The following ZNF420 variants were observed in gnomAD, a reference collection of about 807,000 sequenced individuals.
ZNF420 encodes the protein ATM and p53-associated KZNF protein.
ZNF420 carries 31 observed loss-of-function variants against 44.7 expected under a neutral mutation model. The observed-to-expected ratio is 0.69, with a 90% confidence interval of 0.52 to 0.94. ZNF420 has a LOEUF of 0.94. ZNF420 is among the 40% of genes least tolerant of loss of function. The probability of loss-of-function intolerance (pLI) is 0.00; values close to 1 mark genes in which losing one functional copy is unlikely to be tolerated. For synonymous variants in ZNF420, 245 were observed against 267.4 expected, an observed-to-expected ratio of 0.92 and a Z score of 0.82; for missense variants, 681 against 827.9, an observed-to-expected ratio of 0.82 and a Z score of 2.18.
At chr19:37,088,804 T>G (rs1014030104) in intron 2 of ZNF420, among the ~76,000 whole-genome samples, 10 of 152,204 alleles carry the variant, frequency 6.6e-5, no homozygotes, top group Non-Finnish European at 1.5e-4. Context: ...AGATGTGTCG[T>G]TATTACCTAT....
chr19:37,077,211 C>T (rs976997299), upstream of ZNF420, among the ~76,000 whole-genome samples: 1 of 152,224 alleles, frequency 6.6e-6, no homozygotes, highest in Non-Finnish European at 1.5e-5. Flanking sequence ...AAGTTACTTT[C>T]TGCCGGCCAA....
intron 1 of ZNF420, among the ~76,000 whole-genome samples, chr19:37,043,656 A>G (rs1188713399): frequency 2.0e-5 from 3 of 152,148 alleles, no homozygotes; most frequent in African/African-American, 7.2e-5. Flanking sequence ...TATGTTTAGT[A>G]GAGACAGGGT....
intron 1 of ZNF420, among the ~76,000 whole-genome samples, chr19:37,054,158 C>T (rs1405921696): frequency 6.6e-6 from 1 of 152,222 alleles, no homozygotes; most frequent in Admixed American, 6.5e-5. Flanking sequence ...CCCTCTGAGC[C>T]AGGCATGGGA....
rs143337806 is a variant in ZNF420 at position 37,127,812 on chromosome 19, C to T, written c.821C>T (p.Thr274Ile). The change falls in exon 5 of 5, where the codon ACT becomes ATT. Residue 274 changes from threonine (T) to isoleucine (I), a missense_variant. Around this residue, in one of 3 missense-constraint regions of ZNF420, gnomAD observed 350 missense variants for 382.5 expected, o/e 0.92. Transcript: ENST00000337995. ...SQLTLHQRLHTGEKLYECKEC... is the reference protein window; with the variant it reads ...SQLTLHQRLHIGEKLYECKEC... ...CTTACACTACACCAGAGACTTCATA[C>T]TGGTGAAAAGCTCTATGAATGTAAA... The T allele has an allele frequency of 1.2e-4, 191 of 1,613,852 alleles. No homozygotes were observed. The African/African-American group carries it at 2.2e-3, about 19-fold the overall frequency.
At position 37,089,651 on chromosome 19, in the gene ZNF420, G is replaced by A. The variant is rs116986650; in HGVS notation, c.9+524G>A. ...ATTTGAAATTCGACATTATGTGCTG[G>A]TCTTGAATGTATAAATTTGGATTAT... On this transcript the variant is annotated intron_variant, in intron 3 of 4. Transcript: ENST00000337995. Among the ~76,000 whole-genome samples, 931 of 152,256 alleles carry A rather than the reference G, an allele frequency of 6.1e-3. 5 individuals carry two copies. Among genetic ancestry groups the A allele is most frequent in the Middle Eastern group, 0.01 (3 of 294 alleles).
Position 37,097,449 on chromosome 19 carries a change from G to A in ZNF420, c.136+6328G>A, listed in dbSNP as rs150368567. Among the ~76,000 whole-genome samples, 375 of 151,932 alleles carry A rather than the reference G, an allele frequency of 2.5e-3. 2 individuals carry two copies. The South Asian group carries it at 0.028, about 12-fold the overall frequency. ...TTTCTGTTTGTACCTTTAAAAAAAG[G>A]CAACTAAATTCAGTAGGACCCTGTA... On this transcript the variant is annotated intron_variant, in intron 4 of 4. Coordinates refer to ENST00000337995, the MANE Select transcript of ZNF420 (RefSeq NM_144689.5).
At chr19:37,110,417 A>G (rs1970327653) in intron 4 of ZNF420, among the ~76,000 whole-genome samples, 1 of 152,232 alleles carries the variant, frequency 6.6e-6, no homozygotes, top group African/African-American at 2.4e-5. Flanking sequence ...GAGCCAAAGC[A>G]TGAAGTTCTT....
intron 1 of ZNF420, among the ~76,000 whole-genome samples, chr19:37,036,627 A>G (rs1478241609): frequency 6.6e-6 from 1 of 152,186 alleles, no homozygotes; most frequent in East Asian, 1.9e-4. Flanking sequence ...GACCTAAATA[A>G]TAACCCTTGG....
At chr19:37,027,632 C>T (rs1967181186) in intron 1 of ZNF420, among the ~76,000 whole-genome samples, 1 of 152,168 alleles carries the variant, frequency 6.6e-6, no homozygotes, top group South Asian at 2.1e-4. Context: ...TACCATCTGC[C>T]TAGTTTTGCC....
intron 4 of ZNF420, among the ~76,000 whole-genome samples, chr19:37,118,984 C>G (rs1178980268): frequency 2.0e-5 from 3 of 152,104 alleles, no homozygotes; most frequent in Non-Finnish European, 4.4e-5. Flanking sequence ...TCCTGAGTGA[C>G]CTACAAAGAG....
chr19:37,130,319 A>G lies in ZNF420; in HGVS notation c.*1261A>G. 1 of 1,389,876 alleles carries G rather than the reference A, an allele frequency of 7.2e-7. No individual in the cohort carries two copies. The highest frequency in any genetic ancestry group is 9.4e-7 in the Non-Finnish European group (1 of 1,069,120). The allele number at this position is 1,389,876 out of a possible 1,614,324, so 86.1% of individuals were successfully genotyped here. A position where few individuals can be genotyped will look rare whatever the true frequency, so the allele number is the denominator to read the frequency against. On this transcript the variant is annotated 3_prime_UTR_variant, in exon 5 of 5. Coordinates refer to ENST00000337995, the MANE Select transcript of ZNF420 (RefSeq NM_144689.5). ...ATAAAATTAAACATCTTATTTGTTG[A>G]TGCTATTGTAGTTCTGTTATTGACA... is the stretch of plus-strand genomic sequence containing the variant.
At chr19:37,038,881 G>A (rs934641299) in intron 1 of ZNF420, among the ~76,000 whole-genome samples, 2 of 151,998 alleles carry the variant, frequency 1.3e-5, no homozygotes, top group African/African-American at 4.8e-5. Context: ...AGCTCCTCGG[G>A]CGTCTGAGGC....
intron 2 of ZNF420, among the ~76,000 whole-genome samples, chr19:37,088,101 C>G (rs541261805): frequency 6.6e-6 from 1 of 152,280 alleles, no homozygotes; most frequent in South Asian, 2.1e-4. Flanking sequence ...TAGCCAAAGG[C>G]ACTATATAAC....
chr19:37,104,104 A>T (rs990101463), intron 4 of ZNF420, among the ~76,000 whole-genome samples: 1 of 151,564 alleles, frequency 6.6e-6, no homozygotes, highest in African/African-American at 2.4e-5. Flanking sequence ...TACATTAGGT[A>T]TATCTCCTAA....
chr19:37,087,702 G>A (rs1477865918), intron 2 of ZNF420, among the ~76,000 whole-genome samples: 2 of 152,290 alleles, frequency 1.3e-5, no homozygotes, highest in East Asian at 3.9e-4. Context: ...CTGGAGTGCA[G>A]TGGCGCGATC....
At chr19:37,059,521 G>A (rs1599624750) in intron 1 of ZNF420, among the ~76,000 whole-genome samples, 4 of 152,318 alleles carry the variant, frequency 2.6e-5, no homozygotes, top group Admixed American at 2.0e-4. Flanking sequence ...GAACGTCTCC[G>A]GATGCCACGA....
chr19:37,070,816 A>G (rs1480696811), intron 1 of ZNF420, among the ~76,000 whole-genome samples: 2 of 152,238 alleles, frequency 1.3e-5, no homozygotes, highest in Non-Finnish European at 2.9e-5. Flanking sequence ...ATTGCCTAGT[A>G]AAGTTGAGAA....
intron 2 of ZNF420, among the ~76,000 whole-genome samples, chr19:37,086,050 C>A (rs566374902): frequency 6.6e-6 from 1 of 151,934 alleles, no homozygotes; most frequent in African/African-American, 2.4e-5. Context: ...AATCTTCCTG[C>A]CTCGGCCTCC....
intron 2 of ZNF420, among the ~76,000 whole-genome samples, chr19:37,085,759 CT>C: frequency 6.7e-6 from 1 of 149,578 alleles, no homozygotes; most frequent in East Asian, 2.0e-4. Context: ...CTTCTCTTTT[CT>C]TTTTTTTTAA....
Sources: allele counts gnomAD v4.1 joint callset (sites outside exome capture counted in the v4.1 genomes callset), GRCh38; gene constraint gnomAD v4.1.1; regional missense constraint gnomAD v4.1.1; transcripts MANE v1.5; gene names NCBI Gene and HGNC (gene_info 2026-07-23, HGNC 2026-07-21).